TSPEAR: variants seen among roughly 807,000 people sequenced by gnomAD.
The protein encoded by TSPEAR is thrombospondin-type laminin G domain and EAR repeat-containing protein.
A neutral mutation model predicts 71.6 loss-of-function variants in TSPEAR; 69 were observed. The observed-to-expected ratio is 0.96, with a 90% CI of 0.79 to 1.18. The LOEUF is 1.18. TSPEAR is among the 50% of genes most tolerant of loss of function. The pLI is 0.00. For missense variants in TSPEAR, 971 were observed against 894.9 expected, an observed-to-expected ratio of 1.09 and a Z score of -1.09; for synonymous variants, 402 against 387.2, an observed-to-expected ratio of 1.04 and a Z score of -0.45.
chr21:44,627,456 C>T, intron 1 of TSPEAR: 1 of 1,608,700 alleles, frequency 6.2e-7, no homozygotes, highest in Non-Finnish European at 8.5e-7. Context: ...CCTCCCCCTG[C>T]CAGCAGGCCT....
At chr21:44,556,363 A>T (rs1394166408) in intron 2 of TSPEAR, among the ~76,000 whole-genome samples, 3 of 151,450 alleles carry the variant, frequency 2.0e-5, no homozygotes, top group Admixed American at 6.6e-5. Context: ...CAACAGAGTG[A>T]TACCCGCTCT....
chr21:44,592,454 T>G, intron 1 of TSPEAR: 10 of 1,611,372 alleles, frequency 6.2e-6, no homozygotes, highest in Non-Finnish European at 7.6e-6. Flanking sequence ...CTCAGGTCGC[T>G]GGAGCAGACG....
At chr21:44,638,859 G>A (rs1319398783) in intron 1 of TSPEAR, among the ~76,000 whole-genome samples, 4 of 151,270 alleles carry the variant, frequency 2.6e-5, no homozygotes, top group African/African-American at 9.7e-5. Context: ...AGACCACCTG[G>A]GGCCTGGCTC....
At chr21:44,676,810 GC>G in intron 1 of TSPEAR, 1 of 934,494 alleles carries the variant, frequency 1.1e-6, no homozygotes, top group Non-Finnish European at 1.8e-6. Flanking sequence ...AGAGTCAAAT[GC>G]CCACTTTTCT....
chr21:44,535,273 A>C (rs1397606735), intron 2 of TSPEAR, among the ~76,000 whole-genome samples: 2 of 152,200 alleles, frequency 1.3e-5, no homozygotes, highest in Non-Finnish European at 2.9e-5. Flanking sequence ...ACGTATACAA[A>C]TGCGGTGTCC....
chr21:44,606,654 T>A (rs587720072), intron 1 of TSPEAR, among the ~76,000 whole-genome samples: 2 of 152,286 alleles, frequency 1.3e-5, no homozygotes, highest in East Asian at 3.9e-4. Flanking sequence ...ATAAAGAAAG[T>A]GTGGCATATA....
At chr21:44,676,822 T>A in intron 1 of TSPEAR, 1 of 949,448 alleles carries the variant, frequency 1.1e-6, no homozygotes, top group Admixed American at 1.7e-5. Context: ...CCACTTTTCT[T>A]CCAGCGTTTG....
intron 7 of TSPEAR, among the ~76,000 whole-genome samples, chr21:44,526,641 C>G (rs1241767138): frequency 6.6e-6 from 1 of 152,270 alleles, no homozygotes; most frequent in Non-Finnish European, 1.5e-5. Context: ...TGGTGGGCCT[C>G]CTTGGCACAT....
intron 1 of TSPEAR, among the ~76,000 whole-genome samples, chr21:44,673,989 TAAA>T (rs1385525912): frequency 4.0e-5 from 6 of 151,790 alleles, no homozygotes; most frequent in African/African-American, 1.4e-4. Context: ...TTAGTAGTAA[TAAA>T]TGCCTACATC....
chr21:44,658,283 G>A (rs1555943007), intron 1 of TSPEAR: 2 of 1,610,400 alleles, frequency 1.2e-6, no homozygotes, highest in Middle Eastern at 1.7e-4. Flanking sequence ...AGCTGCTCCT[G>A]GTACACGGGG....
chr21:44,558,735 G>C lies in TSPEAR; in HGVS notation c.303+9050C>G, dbSNP rs782666224. The C allele has an allele frequency of 3.2e-6, 5 of 1,577,714 alleles. No individual in the cohort carries two copies. In the Admixed American group the frequency reaches 8.7e-5, roughly 27 times the overall value. ...GGCCATGCTGGGGTGGGGAGGAGGT[G>C]AGCTGGGGGAGACGTGAGTGAGTGA... On this transcript the variant is annotated intron_variant, in intron 2 of 11. Coordinates refer to ENST00000323084, the MANE Select transcript of TSPEAR (RefSeq NM_144991.3).
At chr21:44,644,788 A>C (rs1555939152) in intron 1 of TSPEAR, among the ~76,000 whole-genome samples, 1 of 152,212 alleles carries the variant, frequency 6.6e-6, no homozygotes, top group African/African-American at 2.4e-5. Flanking sequence ...TTATTATTAA[A>C]AATGGAAAAA....
intron 1 of TSPEAR, among the ~76,000 whole-genome samples, chr21:44,673,572 C>T (rs991499486): frequency 2.0e-5 from 3 of 151,984 alleles, no homozygotes; most frequent in Non-Finnish European, 2.9e-5. Context: ...TCAACAACAA[C>T]AAAAAAATTG....
chr21:44,549,730 G>A (rs1478882015), intron 2 of TSPEAR, among the ~76,000 whole-genome samples: 3 of 152,206 alleles, frequency 2.0e-5, no homozygotes, highest in East Asian at 1.9e-4. Flanking sequence ...TGTTTCTCTC[G>A]CCCTCTGGTC....
At chr21:44,598,800 T>C (rs1555927919) in intron 1 of TSPEAR, among the ~76,000 whole-genome samples, 1 of 152,220 alleles carries the variant, frequency 6.6e-6, no homozygotes, top group African/African-American at 2.4e-5. Context: ...ATTTTTATCC[T>C]TCCGTCATCC....
chr21:44,515,154 CAGT>C (rs1555913221), intron 9 of TSPEAR, among the ~76,000 whole-genome samples: 1 of 152,208 alleles, frequency 6.6e-6, no homozygotes. Flanking sequence ...TCAAACCAAA[CAGT>C]AAACAAATTA....
At chr21:44,530,545 A>G (rs868912378) in intron 4 of TSPEAR, among the ~76,000 whole-genome samples, 7 of 151,922 alleles carry the variant, frequency 4.6e-5, no homozygotes, top group African/African-American at 1.7e-4. Flanking sequence ...CCATTTGTCC[A>G]TCCCTCCATC....
chr21:44,560,331 A>T (rs1555920812), intron 2 of TSPEAR, among the ~76,000 whole-genome samples: 2 of 152,204 alleles, frequency 1.3e-5, no homozygotes. Flanking sequence ...CAGTTTCATA[A>T]AACAAGCTCT....
At chr21:44,580,332 G>C (rs782197151) in intron 1 of TSPEAR, 27 of 1,613,738 alleles carry the variant, frequency 1.7e-5, no homozygotes, top group Non-Finnish European at 2.1e-5. Flanking sequence ...TGCTGGCAGG[G>C]GGAGGAGGCG....
Sources: gnomAD v4.1 joint callset for allele counts (sites outside exome capture counted in the v4.1 genomes callset) on GRCh38, gnomAD v4.1.1 for gene constraint, MANE v1.5 for transcripts, NCBI Gene and HGNC (gene_info 2026-07-23, HGNC 2026-07-21) for gene names.